Variants in ZNF330 observed in about 807,000 individuals in gnomAD.
ZNF330 encodes the protein zinc finger protein 330.
In ZNF330, 31 loss-of-function variants were observed where a neutral mutation model predicts 45.5. The observed-to-expected ratio is 0.68, with a 90% CI of 0.51 to 0.92. The LOEUF is 0.92. Among genes scored for constraint, ZNF330 ranks in the 40% least tolerant of loss-of-function variants. The probability of loss-of-function intolerance (pLI) is 0.00; values close to 1 mark genes in which losing one functional copy is unlikely to be tolerated. For missense variants in ZNF330, 356 were observed against 387.4 expected (o/e 0.92, Z 0.68); for synonymous variants, 138 against 123.2 (o/e 1.12, Z -0.79).
chr4:141,227,283 C>T (rs939243896), intron 5 of ZNF330, among the ~76,000 whole-genome samples: 1 of 151,752 alleles, frequency 6.6e-6, no homozygotes. Context: ...CCTCCCCCAT[C>T]CCCCCACCCC....
Position 141,232,535 on chromosome 4 carries a change from GT to G in ZNF330, c.582del (p.Cys194TrpfsTer40). On this transcript the variant is annotated frameshift_variant, in exon 9 of 10. Transcript: ENST00000262990. LOFTEE classifies it high-confidence loss of function. ...GCTTCTCCTATACAGGCTTGTTTCTGTGATGATCATACAAGGAGCAAAGTGT... is the reference window on the plus strand; with the variant it reads ...GCTTCTCCTATACAGGCTTGTTTCTGGATGATCATACAAGGAGCAAAGTGT... ...HSCLRCKACF[C>X]DDHTRSKVFK... The G allele has an allele frequency of 6.4e-7, 1 of 1,569,940 alleles. No homozygotes were observed. The highest frequency in any genetic ancestry group is 8.6e-7 in the Non-Finnish European group (1 of 1,161,178).
Position 141,224,625 on chromosome 4 carries a change from AT to A in ZNF330, c.163del (p.Cys55AlafsTer22). 1.2e-6 allele frequency: 2 copies of A among 1,613,616 alleles called. No individual in the cohort carries two copies. Among genetic ancestry groups the A allele is most frequent in the Non-Finnish European group, 1.7e-6 (2 of 1,179,686 alleles). On this transcript the variant is annotated frameshift_variant, in exon 4 of 10. Coordinates refer to ENST00000262990, the MANE Select transcript of ZNF330 (RefSeq NM_014487.6). LOFTEE classifies it high-confidence loss of function. ...TGACAAGGCGGCAGAAGAATAGAGC[AT>A]TTTGCTACTTTTGTAATTCTGTACA... Reference protein sequence around the residue: ...KCQRRQKNRAFCYFCNSVQKL... With the variant: ...KCQRRQKNRAXCYFCNSVQKL...
At chr4:141,221,455 C>G (rs938718874) in intron 1 of ZNF330, among the ~76,000 whole-genome samples, 1 of 152,192 alleles carries the variant, frequency 6.6e-6, no homozygotes, top group Non-Finnish European at 1.5e-5. Flanking sequence ...GAAAGTTAAT[C>G]CGCATGATCA....
rs1467176765 is a variant in ZNF330 at position 141,231,846 on chromosome 4, C to T, written c.570+361C>T. On this transcript the variant is annotated intron_variant, in intron 8 of 9. Transcript: ENST00000262990. ...TTCCAAATTTTTCTGTGTCCTTAGG[C>T]CTAGTCTCTAGCATTCGTTCGTCAA... 2.6e-5 allele frequency among the ~76,000 whole-genome samples: 4 copies of T among 152,052 alleles called. 1 individual carries two copies. Among genetic ancestry groups the T allele is most frequent in the Non-Finnish European group, 1.5e-5 (1 of 67,960 alleles).
Position 141,230,232 on chromosome 4 carries a change from A to G in ZNF330, c.485A>G (p.Gln162Arg). 6.2e-7 allele frequency: 1 copy of G among 1,611,670 alleles called. No individual in the cohort carries two copies. The part of the protein sequence containing the change: ...FLCEDDQFEH[Q>R]ASCQVLEAET... ...TGTGAAGATGATCAATTTGAGCATC[A>G]AGCCAGCTGCCAGGTTTTAGAGGCA... Residue 162 changes from glutamine (Q) to arginine (R), a missense_variant, in exon 7 of 10, where the codon CAA (glutamine) becomes CGA (arginine). Transcript: ENST00000262990.
At chr4:141,230,072 G>A (rs1728911209) in intron 6 of ZNF330, 94 bp from the exon 7 acceptor site, 1 of 897,184 alleles carries the variant, frequency 1.1e-6, no homozygotes, top group Non-Finnish European at 1.7e-6. Context: ...TATCTCCAAA[G>A]TAACTTACCA....
At chr4:141,228,155 G>A (rs934406240) in intron 5 of ZNF330, among the ~76,000 whole-genome samples, 3 of 152,226 alleles carry the variant, frequency 2.0e-5, no homozygotes, top group Non-Finnish European at 4.4e-5. Flanking sequence ...AGCAAGGAGC[G>A]AGAATTATCA....
chr4:141,220,902 T>TA lies in ZNF330; in HGVS notation c.-209dup, dbSNP rs892833222. On this transcript the variant is annotated 5_prime_UTR_variant, in exon 1 of 10. Coordinates refer to ENST00000262990, the MANE Select transcript of ZNF330 (RefSeq NM_014487.6). ...CGTCAGCCGTAAGGCGCTGCTGTCG[T>TA]AAAAGGACGTCCGGTCCGTCTCCTA... The TA allele has an allele frequency of 1.6e-4, 25 of 152,378 alleles. No homozygotes were observed. Among genetic ancestry groups the TA allele is most frequent in the African/African-American group, 5.8e-4 (24 of 41,582 alleles). 9.4% of individuals were successfully genotyped at this position (152,378 alleles called of 1,614,324 possible). A position where few individuals can be genotyped will look rare whatever the true frequency, so the allele number is the denominator to read the frequency against.
rs768730542 is a variant in ZNF330 at position 141,226,841 on chromosome 4, A to G, written c.286A>G (p.Met96Val). ...TGGTGTATACAGTACTGGCCTTGCAATGGTGGTAAGCTTCTTATTATCTCT... is the reference window on the plus strand; with the variant it reads ...TGGTGTATACAGTACTGGCCTTGCAGTGGTGGTAAGCTTCTTATTATCTCT... ...HAGVYSTGLA[M>V]VGAICDFCEA... The change falls in exon 5 of 10, where the codon ATG becomes GTG. Residue 96 changes from methionine to valine, a missense_variant. Transcript: ENST00000262990. The G allele has an allele frequency of 5.0e-6, 8 of 1,611,120 alleles. No individual in the cohort carries two copies. The African/African-American group carries it at 5.4e-5, about 11-fold the overall frequency.
upstream of ZNF330, among the ~76,000 whole-genome samples, chr4:141,220,550 A>T (rs1040448278): frequency 1.3e-5 from 2 of 152,208 alleles, no homozygotes; most frequent in Non-Finnish European, 2.9e-5. Flanking sequence ...TTGCGCAGCA[A>T]CCAAGAAAAG....
Position 141,233,889 on chromosome 4 carries a change from G to T in ZNF330, c.863G>T (p.Arg288Ile). 6.2e-7 allele frequency: 1 copy of T among 1,613,780 alleles called. No individual in the cohort carries two copies. Among genetic ancestry groups the T allele is most frequent in the Non-Finnish European group, 8.5e-7 (1 of 1,179,794 alleles). The change falls in exon 10 of 10, where the codon AGA becomes ATA. Residue 288 changes from arginine to isoleucine, a missense_variant. Coordinates refer to ENST00000262990, the MANE Select transcript of ZNF330 (RefSeq NM_014487.6). ...EDDEEEEDEG[R>I]KDSDTESSDL... ...GATGAAGAGGAAGAAGATGAAGGCA[G>T]AAAGGATTCAGATACTGAGTCATCA...
intron 4 of ZNF330, among the ~76,000 whole-genome samples, chr4:141,225,491 C>CCT (rs1381818230): frequency 2.7e-5 from 4 of 150,466 alleles, no homozygotes; most frequent in Non-Finnish European, 5.9e-5. Context: ...GATTTACATC[C>CCT]CCCCCCAACT....
At chr4:141,224,573 G>T in intron 3 of ZNF330, 34 bp from the exon 4 acceptor site, 1 of 1,610,480 alleles carries the variant, frequency 6.2e-7, no homozygotes, top group South Asian at 1.1e-5. Flanking sequence ...ATCTGACATT[G>T]ACCATAATTT....
chr4:141,221,743 C>G (rs1252285399), intron 1 of ZNF330, among the ~76,000 whole-genome samples: 2 of 151,742 alleles, frequency 1.3e-5, no homozygotes, highest in African/African-American at 2.4e-5. Context: ...AAATTTGAAC[C>G]CCGTTAAAAT....
intron 1 of ZNF330, among the ~76,000 whole-genome samples, 182 bp downstream of exon 1, chr4:141,221,290 G>T (rs1331450016): frequency 1.3e-5 from 2 of 152,208 alleles, no homozygotes; most frequent in East Asian, 3.8e-4. Flanking sequence ...CACACGCAGT[G>T]CATGCAAGAA....
intron 2 of ZNF330, chr4:141,224,090 T>C (rs1728745699): frequency 3.5e-6 from 1 of 287,914 alleles, no homozygotes; most frequent in Non-Finnish European, 6.7e-6. Context: ...GTGCCTTAGA[T>C]AAATGCATTA....
chr4:141,227,577 T>G (rs1040768586), intron 5 of ZNF330, among the ~76,000 whole-genome samples: 2 of 152,176 alleles, frequency 1.3e-5, no homozygotes, highest in Non-Finnish European at 2.9e-5. Context: ...TTTGCTATTG[T>G]GAATAGTGCC....
chr4:141,222,591 C>G (rs922467389), intron 2 of ZNF330, 100 bp downstream of exon 2: 20 of 1,329,378 alleles, frequency 1.5e-5, no homozygotes, highest in Non-Finnish European at 2.1e-5. Flanking sequence ...AGTGTTTTTG[C>G]ATATAGTTTG....
intron 5 of ZNF330, 29 bp downstream of exon 5, chr4:141,226,875 T>TAA (rs1396666769): frequency 6.5e-7 from 1 of 1,543,040 alleles, no homozygotes; most frequent in African/African-American, 1.4e-5. Flanking sequence ...CTTAGACTAG[T>TAA]ACGTTTTCAA....
Sources: gnomAD v4.1 joint callset for allele counts (sites outside exome capture counted in the v4.1 genomes callset) on GRCh38, gnomAD v4.1.1 for gene constraint, MANE v1.5 for transcripts, NCBI Gene and HGNC (gene_info 2026-07-23, HGNC 2026-07-21) for gene names.